The following PPP6R3 variants were observed in gnomAD, a reference collection of about 807,000 sequenced individuals.
PPP6R3 encodes the protein protein phosphatase 6 regulatory subunit 3.
Under a neutral mutation model 110.7 loss-of-function variants are expected in PPP6R3, and 38 were observed. The observed-to-expected ratio is 0.34, with a 90% CI of 0.26 to 0.45. PPP6R3 has a LOEUF of 0.45. Ranked by LOEUF, PPP6R3 falls within the 20% of genes least tolerant of loss-of-function variation. The pLI is 1.00. For missense variants in PPP6R3, 870 were observed against 1,062.4 expected, an observed-to-expected ratio of 0.82 and a Z score of 2.52; for synonymous variants, 369 against 373.5, an observed-to-expected ratio of 0.99 and a Z score of 0.14.
chr11:68,529,090 AT>A (rs1290232347), intron 2 of PPP6R3, among the ~76,000 whole-genome samples: 1 of 152,218 alleles, frequency 6.6e-6, no homozygotes, highest in Admixed American at 6.5e-5. Flanking sequence ...TTTTGTCCAC[AT>A]TAATCAAGTA....
At chr11:68,530,876 G>A (rs1281379508) in intron 2 of PPP6R3, among the ~76,000 whole-genome samples, 1 of 152,184 alleles carries the variant, frequency 6.6e-6, no homozygotes, top group Non-Finnish European at 1.5e-5. Flanking sequence ...ATATGAATAG[G>A]AGATTTTGAA....
At chr11:68,519,914 G>C (rs1304360393) in intron 2 of PPP6R3, among the ~76,000 whole-genome samples, 1 of 152,174 alleles carries the variant, frequency 6.6e-6, no homozygotes, top group East Asian at 1.9e-4. Flanking sequence ...CCAATGACCA[G>C]CCAGGCCTAG....
intron 1 of PPP6R3, among the ~76,000 whole-genome samples, chr11:68,491,305 A>G (rs1825868919): frequency 6.6e-6 from 1 of 150,692 alleles, no homozygotes; most frequent in Non-Finnish European, 1.5e-5. Flanking sequence ...TGTTTAAACC[A>G]GAAGGTTGTT....
chr11:68,473,391 T>C (rs2098806144), intron 1 of PPP6R3, among the ~76,000 whole-genome samples: 1 of 152,240 alleles, frequency 6.6e-6, no homozygotes, highest in South Asian at 2.1e-4. Flanking sequence ...ATGGAAGCTC[T>C]GAGCCCCTCC....
At chr11:68,553,386 C>T (rs1236065548) in intron 6 of PPP6R3, among the ~76,000 whole-genome samples, 1 of 151,800 alleles carries the variant, frequency 6.6e-6, no homozygotes, top group Admixed American at 6.6e-5. Context: ...CTCTGCCTCC[C>T]AGGTTCAAGC....
chr11:68,601,177 G>A (rs1314848685), intron 20 of PPP6R3, among the ~76,000 whole-genome samples: 2 of 152,270 alleles, frequency 1.3e-5, no homozygotes, highest in East Asian at 1.9e-4. Flanking sequence ...CGTCTACCCC[G>A]CTTTTCAGTA....
intron 6 of PPP6R3, among the ~76,000 whole-genome samples, chr11:68,551,696 A>T (rs147895087): frequency 0.014 from 2,072 of 152,144 alleles, 57 homozygotes; most frequent in African/African-American, 0.047. Context: ...ACCATCTTGG[A>T]CAGGCTGGTC....
At chr11:68,539,243 C>T (rs2099294170) in intron 3 of PPP6R3, among the ~76,000 whole-genome samples, 1 of 152,208 alleles carries the variant, frequency 6.6e-6, no homozygotes, top group Non-Finnish European at 1.5e-5. Flanking sequence ...ACCCTCTTCT[C>T]TTCCAATCTC....
At chr11:68,465,073 G>T (rs1362963058) in intron 1 of PPP6R3, among the ~76,000 whole-genome samples, 1 of 152,000 alleles carries the variant, frequency 6.6e-6, no homozygotes, top group Non-Finnish European at 1.5e-5. Flanking sequence ...GTAGAGATGG[G>T]GTTTCACCAT....
At position 68,613,580 on chromosome 11, in the gene PPP6R3, A is replaced by T; in HGVS notation, c.*463A>T. ...AATTCATTTTTCCTCCAGGCCGACA[A>T]GGAGTTGTAGAATGAAAATGCCCTC... On this transcript the variant is annotated 3_prime_UTR_variant, in exon 24 of 24. Coordinates refer to ENST00000393800, the MANE Select transcript of PPP6R3 (RefSeq NM_001164161.2). 1.0e-6 allele frequency: 1 copy of T among 986,076 alleles called. No individual in the cohort carries two copies. Among genetic ancestry groups the T allele is most frequent in the Non-Finnish European group, 1.2e-6 (1 of 830,160 alleles). The allele number at this position is 986,076 out of a possible 1,614,324, so 61.1% of individuals were successfully genotyped here.
intron 16 of PPP6R3, among the ~76,000 whole-genome samples, chr11:68,588,440 C>T (rs2099585547): frequency 6.6e-6 from 1 of 152,050 alleles, no homozygotes; most frequent in South Asian, 2.1e-4. Flanking sequence ...GTACTCCTGC[C>T]TCAGTGACAG....
intron 1 of PPP6R3, among the ~76,000 whole-genome samples, chr11:68,493,212 C>T (rs912187227): frequency 6.6e-6 from 1 of 152,242 alleles, no homozygotes; most frequent in Non-Finnish European, 1.5e-5. Context: ...TAGTTATTTG[C>T]TCTCTGAGCT....
At chr11:68,542,389 G>GTTTTTTGTTTTTTTTTTTT (rs2099321782) in intron 3 of PPP6R3, among the ~76,000 whole-genome samples, 1 of 40,188 alleles carries the variant, frequency 2.5e-5, no homozygotes, top group Non-Finnish European at 4.1e-5. Context: ...AGAAGCTGCT[G>GTTTTTTGTTTTTTTTTTTT]TTTTTTTTTT....
At chr11:68,514,049 T>C (rs773378516) in intron 1 of PPP6R3, among the ~76,000 whole-genome samples, 1 of 152,212 alleles carries the variant, frequency 6.6e-6, no homozygotes, top group Non-Finnish European at 1.5e-5. Context: ...CCCGTAGTTA[T>C]ACGCATTTTA....
chr11:68,553,050 C>G (rs1301787889), intron 6 of PPP6R3, among the ~76,000 whole-genome samples: 1 of 152,194 alleles, frequency 6.6e-6, no homozygotes, highest in Non-Finnish European at 1.5e-5. Context: ...TGCTAGGCTC[C>G]TGATTCCAGT....
rs1944552526 is a variant in PPP6R3, at chr11:68,613,678, C to A, written c.*561C>A. On this transcript the variant is annotated 3_prime_UTR_variant, in exon 24 of 24. Transcript: ENST00000393800. ...GAAATATTTGGTGTTCTTTTTATAA[C>A]CAGTTTTTGATTGGTAATTGTTTTC... 1 of 984,448 alleles carries A rather than the reference C, an allele frequency of 1.0e-6. No homozygotes were observed. Among genetic ancestry groups the A allele is most frequent in the Non-Finnish European group, 1.2e-6 (1 of 828,696 alleles). 61.0% of individuals were successfully genotyped at this position (984,448 alleles called of 1,614,324 possible).
At chr11:68,566,488 G>A (rs967862055) in intron 9 of PPP6R3, among the ~76,000 whole-genome samples, 5 of 151,990 alleles carry the variant, frequency 3.3e-5, no homozygotes, top group Admixed American at 1.3e-4. Context: ...ATCTTCCTGA[G>A]TAACTGGTAC....
At chr11:68,502,272 A>G (rs1463989568) in intron 1 of PPP6R3, among the ~76,000 whole-genome samples, 1 of 152,242 alleles carries the variant, frequency 6.6e-6, no homozygotes, top group African/African-American at 2.4e-5. Flanking sequence ...ATCAGTAGGA[A>G]AATTGAGATG....
At chr11:68,590,743 T>G in intron 17 of PPP6R3, 29 bp downstream of exon 17, 1 of 1,545,718 alleles carries the variant, frequency 6.5e-7, no homozygotes, top group Non-Finnish European at 8.8e-7. Flanking sequence ...GTGAGCAGTG[T>G]GGCACATGAG....
Sources: allele counts gnomAD v4.1 joint callset (sites outside exome capture counted in the v4.1 genomes callset), GRCh38; gene constraint gnomAD v4.1.1; transcripts MANE v1.5; gene names NCBI Gene and HGNC (gene_info 2026-07-23, HGNC 2026-07-21).